USP25: variants seen among roughly 807,000 people sequenced by gnomAD.
USP25 encodes the protein ubiquitin specific peptidase 25.
In USP25, 85 loss-of-function variants were observed where a neutral mutation model predicts 158.5. The ratio of observed to expected loss-of-function variants is 0.54; its 90% CI spans 0.45 to 0.64. The LOEUF is 0.64. Among genes scored for constraint, USP25 ranks in the 30% least tolerant of loss-of-function variants. The pLI, the probability that USP25 is intolerant of heterozygous loss-of-function variation, is 0.00. For missense variants in USP25, 1,242 were observed against 1,327.3 expected, an observed-to-expected ratio of 0.94 and a Z score of 1.00; for synonymous variants, 464 against 460.4, an observed-to-expected ratio of 1.01 and a Z score of -0.10.
chr21:15,876,908 A>G (rs2040120459), intron 24 of USP25: 2 of 152,200 alleles, frequency 1.3e-5, no homozygotes, highest in Admixed American at 1.3e-4. Flanking sequence ...CTGTAAACAT[A>G]AGATTTTAAA....
At chr21:15,773,473 G>T (rs998418658) in intron 3 of USP25, among the ~76,000 whole-genome samples, 8 of 147,284 alleles carry the variant, frequency 5.4e-5, no homozygotes, top group Non-Finnish European at 7.5e-5. Context: ...AGGTCTTCTG[G>T]TTTTTTTTTT....
chr21:15,762,465 A>T (rs150823398), intron 1 of USP25, among the ~76,000 whole-genome samples: 1 of 152,192 alleles, frequency 6.6e-6, no homozygotes, highest in Non-Finnish European at 1.5e-5. Flanking sequence ...TTTAAAGTAG[A>T]TCTGAAGATC....
chr21:15,812,568 G>A (rs908718075), intron 9 of USP25, among the ~76,000 whole-genome samples: 14 of 151,704 alleles, frequency 9.2e-5, no homozygotes, highest in African/African-American at 3.1e-4. Context: ...GGAGAATGAC[G>A]TGAACCCAGG....
intron 3 of USP25, among the ~76,000 whole-genome samples, chr21:15,777,507 G>A (rs956951894): frequency 1.3e-5 from 2 of 152,124 alleles, no homozygotes; most frequent in Non-Finnish European, 2.9e-5. Flanking sequence ...TAGTAGTATG[G>A]ACAGAATTTA....
Position 15,849,765 on chromosome 21 carries a change from C to G in USP25, c.2452-12C>G. On this transcript the variant is annotated splice_polypyrimidine_tract_variant and intron_variant, in intron 19 of 25. Coordinates refer to ENST00000400183, the MANE Select transcript of USP25 (RefSeq NM_001283041.3). ...AAAACCTTTTTTTAATGTTAACTAT[C>G]TTCTGTGGCAGATCATGATGACACC... 1 of 1,513,670 alleles carries G rather than the reference C, an allele frequency of 6.6e-7. No homozygotes were observed. Among genetic ancestry groups the G allele is most frequent in the South Asian group, 1.3e-5 (1 of 76,810 alleles). 93.8% of individuals were successfully genotyped at this position (1,513,670 alleles called of 1,614,324 possible).
chr21:15,827,773 T>TGC lies in USP25; in HGVS notation c.1693+571_1693+572insCG, dbSNP rs1568859069. On this transcript the variant is annotated intron_variant, in intron 14 of 25. Transcript: ENST00000400183. ...GCACTTGTGTGCGTGTGCGTGTGTG[T>TGC]GTGTGTGTGTGTGTGTGTGTGTGTG... Among the ~76,000 whole-genome samples, 77 of 114,710 alleles carry TGC rather than the reference T, an allele frequency of 6.7e-4. 1 individual carries two copies. The highest frequency in any genetic ancestry group is 3.0e-3 in the Admixed American group (36 of 11,956). 75.3% of individuals were successfully genotyped at this position (114,710 alleles called of 152,430 possible).
intron 1 of USP25, among the ~76,000 whole-genome samples, chr21:15,741,132 AT>A (rs71727540): frequency 0.24 from 35,206 of 148,196 alleles, 5,547 homozygotes; most frequent in African/African-American, 0.46. Context: ...TTTATACCAA[AT>A]TTTTTTTTTT....
At chr21:15,817,437 C>T (rs2036998457) in intron 9 of USP25, among the ~76,000 whole-genome samples, 1 of 152,158 alleles carries the variant, frequency 6.6e-6, no homozygotes, top group Non-Finnish European at 1.5e-5. Flanking sequence ...CCACTTCACA[C>T]AGGGACTTTA....
chr21:15,850,952 TAAGA>T (rs1172630251), intron 20 of USP25, among the ~76,000 whole-genome samples: 2 of 152,064 alleles, frequency 1.3e-5, no homozygotes, highest in African/African-American at 4.8e-5. Context: ...TATGATCCCA[TAAGA>T]AAGGTTGAAA....
At chr21:15,846,792 G>T (rs2038639340) in intron 18 of USP25, among the ~76,000 whole-genome samples, 1 of 152,050 alleles carries the variant, frequency 6.6e-6, no homozygotes, top group African/African-American at 2.4e-5. Flanking sequence ...TGTTGAATAA[G>T]ATAAATAAGT....
chr21:15,750,998 A>G (rs1314976065), intron 1 of USP25, among the ~76,000 whole-genome samples: 1 of 152,234 alleles, frequency 6.6e-6, no homozygotes, highest in Non-Finnish European at 1.5e-5. Flanking sequence ...AATTTGTTTC[A>G]GGGTCCAGTG....
chr21:15,806,441 T>A (rs1010409179), intron 7 of USP25, among the ~76,000 whole-genome samples: 1 of 132,592 alleles, frequency 7.5e-6, no homozygotes. Context: ...TTTTTTTTTT[T>A]CTTTCTTTTC....
chr21:15,732,451 G>C (rs1235548290), intron 1 of USP25, among the ~76,000 whole-genome samples: 1 of 152,160 alleles, frequency 6.6e-6, no homozygotes, highest in Non-Finnish European at 1.5e-5. Context: ...AATCCGTCAA[G>C]CTAGTAACCA....
At chr21:15,872,686 C>T (rs1313114553) in intron 23 of USP25, among the ~76,000 whole-genome samples, 2 of 152,026 alleles carry the variant, frequency 1.3e-5, no homozygotes, top group African/African-American at 2.4e-5. Context: ...CCTAGAAAGC[C>T]GTTTTCAAAA....
At chr21:15,815,119 A>G (rs2036869665) in intron 9 of USP25, among the ~76,000 whole-genome samples, 1 of 152,054 alleles carries the variant, frequency 6.6e-6, no homozygotes, top group Non-Finnish European at 1.5e-5. Flanking sequence ...CCATTGTTTC[A>G]GAGGGTGCAA....
chr21:15,870,503 A>C lies in USP25; in HGVS notation c.2885+356A>C, dbSNP rs966042428. 3.2e-4 allele frequency among the ~76,000 whole-genome samples: 49 copies of C among 152,306 alleles called. 1 individual carries two copies. The highest frequency in any genetic ancestry group is 1.2e-3 in the African/African-American group (48 of 41,576). ...GTTCTGTAAAAAGTGTAGCTGTAGA[A>C]AATTTTTGTGTACTGTGACTTTAAA... On this transcript the variant is annotated intron_variant, in intron 23 of 25. Coordinates refer to ENST00000400183, the MANE Select transcript of USP25 (RefSeq NM_001283041.3).
intron 20 of USP25, among the ~76,000 whole-genome samples, chr21:15,854,835 C>G (rs1481649641): frequency 6.6e-6 from 1 of 151,966 alleles, no homozygotes; most frequent in Admixed American, 6.6e-5. Flanking sequence ...CAAAGTTGAT[C>G]TGGAAAAAAA....
chr21:15,863,270 T>A (rs950938417), intron 20 of USP25, among the ~76,000 whole-genome samples: 2 of 152,112 alleles, frequency 1.3e-5, no homozygotes, highest in Non-Finnish European at 2.9e-5. Flanking sequence ...TTGTATATTA[T>A]GAGGTATTTT....
chr21:15,837,496 A>G (rs2038112848), intron 17 of USP25, among the ~76,000 whole-genome samples: 1 of 152,228 alleles, frequency 6.6e-6, no homozygotes, highest in Non-Finnish European at 1.5e-5. Flanking sequence ...CTGGAGTCAG[A>G]ATCTCTGGAG....
Sources: gnomAD v4.1 joint callset for allele counts (sites outside exome capture counted in the v4.1 genomes callset) on GRCh38, gnomAD v4.1.1 for gene constraint, MANE v1.5 for transcripts, NCBI Gene and HGNC (gene_info 2026-07-23, HGNC 2026-07-21) for gene names.